RPS6KA2: variants seen among roughly 807,000 people sequenced by gnomAD.
The protein encoded by RPS6KA2 is ribosomal protein S6 kinase A2, also known as ribosomal protein S6 kinase alpha-2.
A neutral mutation model predicts 91.8 loss-of-function variants in RPS6KA2; 42 were observed. The ratio of observed to expected loss-of-function variants is 0.46; its 90% CI spans 0.36 to 0.59. The LOEUF (loss-of-function observed/expected upper bound fraction) is 0.59, where lower values mean the gene tolerates loss of function less well. RPS6KA2 is among the 20% of genes least tolerant of loss of function. The pLI, the probability that RPS6KA2 is intolerant of heterozygous loss-of-function variation, is 0.00. For missense variants in RPS6KA2, 798 were observed against 978.5 expected, an observed-to-expected ratio of 0.82 and a Z score of 2.46; for synonymous variants, 414 against 393.6, an observed-to-expected ratio of 1.05 and a Z score of -0.61.
chr6:166,756,365 G>A (rs1308098659), intron 2 of RPS6KA2, among the ~76,000 whole-genome samples: 1 of 152,156 alleles, frequency 6.6e-6, no homozygotes, highest in Non-Finnish European at 1.5e-5. Flanking sequence ...TCATACCCAT[G>A]GGTCTGTCAG....
rs1455167695 is a variant in RPS6KA2, at chr6:166,635,650, T to C, written c.124-96866A>G. Among the ~76,000 whole-genome samples, 1 of 152,180 alleles carries C rather than the reference T, an allele frequency of 6.6e-6. No individual in the cohort carries two copies. Among genetic ancestry groups the C allele is most frequent in the Middle Eastern group, 3.4e-3 (1 of 294 alleles). On this transcript the variant is annotated intron_variant, in intron 2 of 21. Transcript: ENST00000503859. This position sits in a 1 kb window ranked among gnomAD's most constrained non-coding sequence, Gnocchi z 4.8. ...CTAGGTCACATGGTAGAGAGCCCCA[T>C]GGAGTTTACCCCAGAAGAGGAGGAA...
At position 166,737,988 on chromosome 6, in the gene RPS6KA2, T is replaced by C. The variant is rs1177328140; in HGVS notation, c.123+120212A>G. ...AATCCTTTTAATATTGTTTACATCC[T>C]CCTAGAATTTATATGCATTCATACC... On this transcript the variant is annotated intron_variant, in intron 2 of 21. Coordinates refer to the RPS6KA2 transcript ENST00000503859. This position sits in a 1 kb window ranked among gnomAD's most constrained non-coding sequence, Gnocchi z 4.3. Among the ~76,000 whole-genome samples, 2 of 152,238 alleles carry C rather than the reference T, an allele frequency of 1.3e-5. No individual in the cohort carries two copies. The highest frequency in any genetic ancestry group is 4.8e-5 in the African/African-American group (2 of 41,466).
chr6:166,462,772 G>C (rs1356905231), intron 11 of RPS6KA2, among the ~76,000 whole-genome samples: 2 of 152,196 alleles, frequency 1.3e-5, no homozygotes, highest in Non-Finnish European at 2.9e-5. Flanking sequence ...TCCACCCCTC[G>C]GCTGTGAGCC....
intron 2 of RPS6KA2, among the ~76,000 whole-genome samples, chr6:166,706,332 C>G (rs1245924857): frequency 6.6e-6 from 1 of 152,120 alleles, no homozygotes; most frequent in Admixed American, 6.5e-5. Flanking sequence ...GAAAACAGTT[C>G]ACAGCAAGAG....
At chr6:166,504,708 A>G in intron 5 of RPS6KA2, 96 bp from the exon 6 acceptor site, 1 of 829,918 alleles carries the variant, frequency 1.2e-6, no homozygotes, top group Non-Finnish European at 1.9e-6. Flanking sequence ...CTGAGAGTCC[A>G]CACTGGGGTC....
intron 11 of RPS6KA2, chr6:166,463,433 A>C (rs1780400706): frequency 6.6e-6 from 1 of 152,218 alleles, no homozygotes; most frequent in Non-Finnish European, 1.5e-5. Flanking sequence ...CAGTCTCATG[A>C]TCAAATTCGC....
chr6:166,768,204 C>A (rs565170888), intron 2 of RPS6KA2, among the ~76,000 whole-genome samples: 20 of 152,230 alleles, frequency 1.3e-4, no homozygotes, highest in Admixed American at 1.0e-3. Context: ...TGGACAAGCT[C>A]CCCCCGTTCT....
intron 2 of RPS6KA2, among the ~76,000 whole-genome samples, chr6:166,688,642 G>C (rs60390151): frequency 3.3e-5 from 5 of 152,210 alleles, no homozygotes; most frequent in Admixed American, 6.5e-5. Context: ...CCAGGTAGGG[G>C]GCGGGAAGGC....
At chr6:166,638,608 A>G (rs1251862711) in intron 2 of RPS6KA2, among the ~76,000 whole-genome samples, 1 of 152,208 alleles carries the variant, frequency 6.6e-6, no homozygotes, top group Non-Finnish European at 1.5e-5. Flanking sequence ...GGGAAGTAAA[A>G]TATCTTGAAT....
intron 1 of RPS6KA2, among the ~76,000 whole-genome samples, chr6:166,611,457 T>C (rs1395283070): frequency 6.6e-6 from 1 of 152,250 alleles, no homozygotes; most frequent in African/African-American, 2.4e-5. Flanking sequence ...CTTTTCAACA[T>C]TGGATTCCAA....
chr6:166,711,675 G>T (rs185583252), intron 2 of RPS6KA2, among the ~76,000 whole-genome samples: 62 of 152,032 alleles, frequency 4.1e-4, no homozygotes, highest in Middle Eastern at 3.4e-3. Context: ...GTGAAATGAA[G>T]GATGAAGCAA....
chr6:166,492,426 A>G (rs550592138), intron 8 of RPS6KA2, among the ~76,000 whole-genome samples: 5 of 152,384 alleles, frequency 3.3e-5, no homozygotes, highest in Admixed American at 6.5e-5. Flanking sequence ...ATGAAAGTTT[A>G]TAAGCTGATC....
chr6:166,698,996 G>A (rs1057087072), intron 2 of RPS6KA2, among the ~76,000 whole-genome samples: 3 of 152,200 alleles, frequency 2.0e-5, no homozygotes. Context: ...TGTTTTTCAG[G>A]AGGATGTGGA....
At chr6:166,705,444 C>T (rs1047107117) in intron 2 of RPS6KA2, among the ~76,000 whole-genome samples, 14 of 152,162 alleles carry the variant, frequency 9.2e-5, no homozygotes, top group African/African-American at 2.7e-4. Flanking sequence ...CCTTAGGGAA[C>T]TAGAAGAAAA....
At chr6:166,721,665 G>A (rs1025049406) in intron 2 of RPS6KA2, among the ~76,000 whole-genome samples, 5 of 152,202 alleles carry the variant, frequency 3.3e-5, no homozygotes, top group African/African-American at 4.8e-5. Flanking sequence ...TTCTAAGACC[G>A]AGTCTCGGGG....
rs1347612534 is a variant in RPS6KA2 at position 166,480,477 on chromosome 6, T to TATATATATATATATATATA, written c.907+8355_907+8356insTATATATATATATATATAT. Among the ~76,000 whole-genome samples, 72 of 43,868 alleles carry TATATATATATATATATATA rather than the reference T, an allele frequency of 1.6e-3. 1 individual carries two copies. Among genetic ancestry groups the TATATATATATATATATATA allele is most frequent in the South Asian group, 6.3e-3 (7 of 1,120 alleles). 28.8% of individuals were successfully genotyped at this position (43,868 alleles called of 152,430 possible). A position where few individuals can be genotyped will look rare whatever the true frequency, so the allele number is the denominator to read the frequency against. On this transcript the variant is annotated intron_variant, in intron 10 of 20. Coordinates refer to ENST00000265678, the MANE Select transcript of RPS6KA2 (RefSeq NM_021135.6). The stretch of plus-strand genomic sequence containing the variant: ...AATCTTATATTCCTTAAGATTGTGA[T>TATATATATATATATATATA]TTTATATATATATATATATATATAT...
rs1175262581 is a variant in RPS6KA2, at chr6:166,563,588, C to T, written c.100-24804G>A. Among the ~76,000 whole-genome samples, 2 of 152,138 alleles carry T rather than the reference C, an allele frequency of 1.3e-5. No homozygotes were observed. Among genetic ancestry groups the T allele is most frequent in the Admixed American group, 6.5e-5 (1 of 15,276 alleles). On this transcript the variant is annotated intron_variant, in intron 1 of 20. Coordinates refer to ENST00000265678, the MANE Select transcript of RPS6KA2 (RefSeq NM_021135.6). The surrounding 1 kb of genome is among the most constrained non-coding windows in gnomAD (Gnocchi z 4.1). ...TCACCCCCACCCGCCCTCTCCCCTC[C>T]ACACAGGGTAGCCCCCAACTCCAGC...
rs755688028 is a variant in RPS6KA2, at chr6:166,412,790, A to T, written c.2174T>A (p.Met725Lys). ...LSSNLAQRRG[M>K]KRLTSTRL is the part of the protein sequence containing the mutation. ...CAGCCGCGTGGACGTGAGTCTCTTCATGCCTCTGCGCTGAGCCAGGTTGGA... is the reference window on the plus strand; with the variant it reads ...CAGCCGCGTGGACGTGAGTCTCTTCTTGCCTCTGCGCTGAGCCAGGTTGGA... The change falls in exon 21 of 21, where the codon ATG becomes AAG. Residue 725 changes from methionine (M) to lysine (K), a missense_variant. Met to Lys is a moderately conservative substitution (Grantham distance 95). Transcript: ENST00000265678. The surrounding 1 kb of genome is among the most constrained non-coding windows in gnomAD (Gnocchi z 4.3). 3.1e-6 allele frequency: 5 copies of T among 1,597,002 alleles called. No individual in the cohort carries two copies. In the South Asian group the frequency reaches 5.7e-5, roughly 18 times the overall value.
intron 2 of RPS6KA2, among the ~76,000 whole-genome samples, chr6:166,717,870 C>T (rs1427994805): frequency 1.4e-5 from 2 of 146,306 alleles, no homozygotes; most frequent in Non-Finnish European, 3.0e-5. Context: ...TTTTTTTAGA[C>T]GGAGTTTTTG....
Sources: allele counts gnomAD v4.1 joint callset (sites outside exome capture counted in the v4.1 genomes callset), GRCh38; gene constraint gnomAD v4.1.1; non-coding constraint Gnocchi (gnomAD v3.1); transcripts MANE v1.5; gene names NCBI Gene and HGNC (gene_info 2026-07-23, HGNC 2026-07-21).